SSH2: variants seen among roughly 807,000 people sequenced by gnomAD.
SSH2 encodes slingshot protein phosphatase 2, also known as protein phosphatase Slingshot homolog 2.
SSH2 carries 37 observed loss-of-function variants against 135.2 expected under a neutral mutation model. The ratio of observed to expected loss-of-function variants is 0.27; its 90% CI spans 0.21 to 0.36. The LOEUF is 0.36. Ranked by LOEUF, SSH2 falls within the 10% of genes least tolerant of loss-of-function variation. The pLI, the probability that SSH2 is intolerant of heterozygous loss-of-function variation, is 1.00. For missense variants in SSH2, 1,408 were observed against 1,765.3 expected (o/e 0.80, Z 3.63); for synonymous variants, 628 against 646.2 (o/e 0.97, Z 0.43).
chr17:29,808,304 C>T (rs1257267756), intron 2 of SSH2, among the ~76,000 whole-genome samples: 1 of 152,030 alleles, frequency 6.6e-6, no homozygotes, highest in African/African-American at 2.4e-5. Flanking sequence ...AATTTTTGTA[C>T]TTTTAGTAGA....
chr17:29,908,767 A>G, intron 1 of SSH2, among the ~76,000 whole-genome samples: 2 of 126,434 alleles, frequency 1.6e-5, no homozygotes. Flanking sequence ...CCATCTGAAA[A>G]AAAAAAAAAA....
intron 5 of SSH2, among the ~76,000 whole-genome samples, chr17:29,686,832 C>T (rs566151540): frequency 5.9e-5 from 9 of 152,110 alleles, no homozygotes; most frequent in African/African-American, 2.2e-4. Flanking sequence ...CCATGCCTGG[C>T]TAATTTTTGT....
chr17:29,755,361 A>T (rs1467457129), intron 3 of SSH2, among the ~76,000 whole-genome samples: 4 of 152,150 alleles, frequency 2.6e-5, no homozygotes, highest in Non-Finnish European at 5.9e-5. Flanking sequence ...AATGATTTTG[A>T]TCATTTATTA....
chr17:29,860,163 C>T (rs1042490684), intron 1 of SSH2, among the ~76,000 whole-genome samples: 4 of 151,934 alleles, frequency 2.6e-5, no homozygotes, highest in Admixed American at 6.6e-5. Flanking sequence ...CTGTTTTTAG[C>T]TCTTTGAGGA....
At chr17:29,741,611 CTTTTTTT>C (rs6146027) in intron 3 of SSH2, among the ~76,000 whole-genome samples, 1 of 140,770 alleles carries the variant, frequency 7.1e-6, no homozygotes, top group East Asian at 2.1e-4. Context: ...AATCCCCCTC[CTTTTTTT>C]TTTTTTTTTT....
chr17:29,928,499 C>T (rs1270725065), intron 1 of SSH2: 1 of 398,536 alleles, frequency 2.5e-6, no homozygotes. Flanking sequence ...CACTATTTTG[C>T]AAGGCAGTGC....
chr17:29,679,406 TA>T (rs1377100657), intron 6 of SSH2, among the ~76,000 whole-genome samples: 16 of 151,360 alleles, frequency 1.1e-4, no homozygotes, highest in Admixed American at 4.0e-4. Flanking sequence ...AATTTATTTT[TA>T]TTTTTTTTTT....
At chr17:29,805,397 C>T (rs1366030328) in intron 2 of SSH2, among the ~76,000 whole-genome samples, 3 of 151,966 alleles carry the variant, frequency 2.0e-5, no homozygotes, top group African/African-American at 7.3e-5. Context: ...CCTCGTGATC[C>T]GCTCACCTCA....
intron 1 of SSH2, among the ~76,000 whole-genome samples, chr17:29,915,387 T>C (rs1407837015): frequency 1.3e-5 from 2 of 152,204 alleles, no homozygotes; most frequent in East Asian, 1.9e-4. Context: ...TTCTCACCTA[T>C]TGTTTCCCTT....
intron 5 of SSH2, 121 bp from the exon 6 acceptor site, chr17:29,684,805 G>A: frequency 1.2e-6 from 1 of 852,946 alleles, no homozygotes; most frequent in Non-Finnish European, 1.7e-6. Context: ...CAGTAGTTAG[G>A]AGACATAAAT....
At chr17:29,706,356 A>T (rs543331105) in intron 3 of SSH2, among the ~76,000 whole-genome samples, 7 of 152,232 alleles carry the variant, frequency 4.6e-5, no homozygotes, top group Non-Finnish European at 1.0e-4. Context: ...TAAAAACAAA[A>T]GAATCCACAG....
intron 8 of SSH2, chr17:29,676,497 G>T: frequency 4.3e-6 from 1 of 234,820 alleles, no homozygotes; most frequent in South Asian, 6.3e-5. Flanking sequence ...TCTAGATTTG[G>T]CTCTTAGTCC....
intron 1 of SSH2, among the ~76,000 whole-genome samples, chr17:29,858,675 T>C (rs1323847060): frequency 6.6e-6 from 1 of 151,966 alleles, no homozygotes; most frequent in African/African-American, 2.4e-5. Flanking sequence ...GGCCAGGAGA[T>C]CGAGACCAGC....
chr17:29,670,983 G>C (rs2037469686), intron 9 of SSH2, among the ~76,000 whole-genome samples: 1 of 152,116 alleles, frequency 6.6e-6, no homozygotes, highest in African/African-American at 2.4e-5. Context: ...CAGGCACTAA[G>C]TGTAAAAAAA....
At chr17:29,709,009 TATATATAGAG>T (rs1371225092) in intron 3 of SSH2, among the ~76,000 whole-genome samples, 1 of 103,080 alleles carries the variant, frequency 9.7e-6, no homozygotes, top group African/African-American at 3.2e-5. Flanking sequence ...TATATATATA[TATATATAGAG>T]AGAGAGAGAG....
intron 3 of SSH2, among the ~76,000 whole-genome samples, chr17:29,792,043 C>T (rs2042077046): frequency 6.6e-6 from 1 of 151,628 alleles, no homozygotes; most frequent in African/African-American, 2.4e-5. Flanking sequence ...CTGCCTCAGC[C>T]TCCTGAGTAG....
At chr17:29,744,900 TG>T (rs2040706809) in intron 3 of SSH2, among the ~76,000 whole-genome samples, 1 of 150,956 alleles carries the variant, frequency 6.6e-6, no homozygotes, top group African/African-American at 2.4e-5. Flanking sequence ...TGTGTGTGTG[TG>T]TTTAAATAAA....
intron 1 of SSH2, among the ~76,000 whole-genome samples, chr17:29,864,644 T>C (rs369778837): frequency 7.2e-6 from 1 of 138,062 alleles, no homozygotes; most frequent in African/African-American, 2.7e-5. Flanking sequence ...GAATACTTAC[T>C]AAAAAAAAAA....
chr17:29,905,405 T>C (rs1445176275), intron 1 of SSH2, among the ~76,000 whole-genome samples: 1 of 152,184 alleles, frequency 6.6e-6, no homozygotes, highest in East Asian at 1.9e-4. Context: ...CAGGGAGGTG[T>C]GGCTGGGGCT....
Sources: allele counts gnomAD v4.1 joint callset (sites outside exome capture counted in the v4.1 genomes callset), GRCh38; gene constraint gnomAD v4.1.1; transcripts MANE v1.5; gene names NCBI Gene and HGNC (gene_info 2026-07-23, HGNC 2026-07-21).